Variants in AFF2 observed in about 807,000 individuals in gnomAD.
AFF2 encodes the protein ALF transcription elongation factor 2.
Under a neutral mutation model 76.9 loss-of-function variants are expected in AFF2, and 14 were observed. The ratio of observed to expected loss-of-function variants is 0.18; its 90% CI spans 0.12 to 0.28. AFF2 has a LOEUF of 0.28. AFF2 is among the 10% of genes least tolerant of loss of function. AFF2 has a pLI of 1.00. For missense variants in AFF2, 868 were observed against 1,001.1 expected, an observed-to-expected ratio of 0.87 and a Z score of 1.79; for synonymous variants, 398 against 366.7, an observed-to-expected ratio of 1.09 and a Z score of -0.98.
chrX:148,614,563 T>C (rs2053765053), intron 1 of AFF2, among the ~76,000 whole-genome samples: 1 of 108,525 alleles, frequency 9.2e-6, no homozygotes, highest in African/African-American at 3.3e-5. Flanking sequence ...TCCATGTCTT[T>C]TCCTCCCTCC....
intron 7 of AFF2, among the ~76,000 whole-genome samples, chrX:148,878,222 C>A (rs1557278102): frequency 1.8e-5 from 2 of 111,972 alleles, no homozygotes; most frequent in Non-Finnish European, 3.8e-5. Flanking sequence ...GATAGACAGG[C>A]AGCCTAGTGT....
chrX:148,961,185 C>A (rs1801251676), intron 12 of AFF2, among the ~76,000 whole-genome samples: 1 of 112,108 alleles, frequency 8.9e-6, no homozygotes, highest in Non-Finnish European at 1.9e-5. Context: ...CCTCAGGCAG[C>A]TCAAGTAGTG....
intron 20 of AFF2, among the ~76,000 whole-genome samples, chrX:148,990,242 A>G (rs2072519080): frequency 8.9e-6 from 1 of 112,028 alleles, no homozygotes; most frequent in South Asian, 3.8e-4. Flanking sequence ...TGAGCAATCA[A>G]GCACATGTAA....
chrX:148,742,207 A>G (rs1015160650), intron 3 of AFF2, among the ~76,000 whole-genome samples: 2 of 112,312 alleles, frequency 1.8e-5, no homozygotes, highest in African/African-American at 3.2e-5. Flanking sequence ...ATGAGTTACA[A>G]TCAAGATGAT....
intron 7 of AFF2, among the ~76,000 whole-genome samples, chrX:148,869,457 C>A (rs1366757534): frequency 9.0e-6 from 1 of 111,680 alleles, no homozygotes. Context: ...ATACTTAAAC[C>A]AGTAGGAGGG....
chrX:148,978,470 G>C lies in AFF2; in HGVS notation c.3570+15G>C. 1.9e-6 allele frequency: 2 copies of C among 1,064,367 alleles called. No homozygotes were observed. Among genetic ancestry groups the C allele is most frequent in the Non-Finnish European group, 2.6e-6 (2 of 763,803 alleles). 87.7% of individuals were successfully genotyped at this position (1,064,367 alleles called of 1,213,427 possible). On this transcript the variant is annotated intron_variant, in intron 18 of 20. Transcript: ENST00000370460. ...AATATTTTAAGGTAATGCTTATTTT[G>C]TATAATTTATAGGTACAGGATGATA...
chrX:148,634,936 A>AAT (rs2054015931), intron 1 of AFF2, among the ~76,000 whole-genome samples: 1 of 111,706 alleles, frequency 9.0e-6, no homozygotes, highest in Admixed American at 9.5e-5. Flanking sequence ...AACCATTCTC[A>AAT]TGCATTAATT....
At chrX:148,866,862 G>A (rs1557276889) in intron 7 of AFF2, among the ~76,000 whole-genome samples, 1 of 112,259 alleles carries the variant, frequency 8.9e-6, no homozygotes, top group Non-Finnish European at 1.9e-5. Context: ...TAGCATGATG[G>A]TGTACATTGC....
In AFF2 at chrX:148,953,591, C is replaced by T; in HGVS notation, c.1409C>T (p.Ala470Val). Residue 470 changes from alanine (A) to valine (V), a missense_variant, in exon 10 of 21, where the codon GCC becomes GTC. Ala to Val is a moderately conservative substitution (Grantham distance 64). Transcript: ENST00000370460. ...TGTTTTTCTTTCAGCCCACCCTTGG[C>T]CACTCCCCAGCCCCCACCTGCAGTG... ...PRNNPVNPPL[A>V]TPQPPPAVQA... The T allele has an allele frequency of 8.3e-7, 1 of 1,207,292 alleles. No individual in the cohort carries two copies. Among genetic ancestry groups the T allele is most frequent in the Non-Finnish European group, 1.1e-6 (1 of 893,592 alleles).
At chrX:148,783,439 C>T (rs1395013546) in intron 3 of AFF2, among the ~76,000 whole-genome samples, 1 of 111,548 alleles carries the variant, frequency 9.0e-6, no homozygotes, top group Non-Finnish European at 1.9e-5. Flanking sequence ...TGTAAAGATT[C>T]CGGTACACTT....
chrX:148,540,259 A>G (rs1200794789), intron 1 of AFF2, among the ~76,000 whole-genome samples: 10 of 111,441 alleles, frequency 9.0e-5, no homozygotes, highest in African/African-American at 2.3e-4. Context: ...AGAAGGAGGG[A>G]TTAGAGAAGC....
At chrX:148,644,075 G>C (rs1262092530) in intron 1 of AFF2, among the ~76,000 whole-genome samples, 1 of 111,356 alleles carries the variant, frequency 9.0e-6, no homozygotes, top group Non-Finnish European at 1.9e-5. Context: ...CAATATTTTT[G>C]ACAATCAATA....
intron 7 of AFF2, among the ~76,000 whole-genome samples, chrX:148,879,200 G>C (rs185099432): frequency 1.8e-5 from 2 of 111,936 alleles, no homozygotes; most frequent in Non-Finnish European, 3.8e-5. Flanking sequence ...CAGCACTGTA[G>C]GCTGTCAGGC....
intron 3 of AFF2, among the ~76,000 whole-genome samples, chrX:148,802,568 G>A (rs1053698614): frequency 5.4e-5 from 6 of 111,764 alleles, no homozygotes; most frequent in Non-Finnish European, 9.4e-5. Flanking sequence ...CTGGGTACTC[G>A]GAATATATTC....
chrX:148,784,845 A>T (rs1180449804), intron 3 of AFF2, among the ~76,000 whole-genome samples: 5 of 111,385 alleles, frequency 4.5e-5, no homozygotes, highest in African/African-American at 6.5e-5. Flanking sequence ...CTAATTACAC[A>T]TGCAGAAGCG....
At chrX:148,843,773 A>T (rs1222033056) in intron 7 of AFF2, among the ~76,000 whole-genome samples, 1 of 111,016 alleles carries the variant, frequency 9.0e-6, no homozygotes, top group Non-Finnish European at 1.9e-5. Context: ...TCTTACTCTA[A>T]TCCCACATGG....
At chrX:148,919,828 A>G (rs184259158) in intron 9 of AFF2, among the ~76,000 whole-genome samples, 4 of 112,288 alleles carry the variant, frequency 3.6e-5, no homozygotes, top group African/African-American at 1.3e-4. Flanking sequence ...GAAAGACCAT[A>G]TAAGACTCTC....
intron 1 of AFF2, among the ~76,000 whole-genome samples, chrX:148,581,171 A>ATATACGTATACACACATATACATATACG (rs2053370907): frequency 3.1e-5 from 2 of 63,744 alleles, no homozygotes; most frequent in African/African-American, 7.5e-5. Flanking sequence ...ACACACATAC[A>ATATACGTATACACACATATACATATACG]TATACGTATA....
chrX:148,866,588 T>C (rs781799869), intron 7 of AFF2, among the ~76,000 whole-genome samples: 54 of 112,377 alleles, frequency 4.8e-4, no homozygotes, highest in Non-Finnish European at 9.0e-4. Context: ...CTGGATGTCC[T>C]GGGGCATAAA....
Sources: allele counts gnomAD v4.1 joint callset (sites outside exome capture counted in the v4.1 genomes callset), GRCh38; gene constraint gnomAD v4.1.1; transcripts MANE v1.5; gene names NCBI Gene and HGNC (gene_info 2026-07-23, HGNC 2026-07-21).